Variants in DGKH observed in about 807,000 individuals in gnomAD.
DGKH encodes DAG kinase eta.
A neutral mutation model predicts 159.3 loss-of-function variants in DGKH; 90 were observed. That is an observed-to-expected ratio of 0.57 (90% CI 0.48 to 0.67). The LOEUF is 0.67. Among genes scored for constraint, DGKH ranks in the 30% least tolerant of loss-of-function variants. The pLI is 0.00. For missense variants in DGKH, 1,181 were observed against 1,506.1 expected (o/e 0.78, Z 3.57); for synonymous variants, 536 against 553.8 (o/e 0.97, Z 0.45).
At chr13:42,141,518 C>T (rs1955558929) in intron 3 of DGKH, among the ~76,000 whole-genome samples, 1 of 152,188 alleles carries the variant, frequency 6.6e-6, no homozygotes. Flanking sequence ...GTCCCACCAA[C>T]AGTGTAAAAG....
At chr13:42,249,686 A>C (rs1958606670) in intron 29 of DGKH, among the ~76,000 whole-genome samples, 1 of 152,178 alleles carries the variant, frequency 6.6e-6, no homozygotes, top group Admixed American at 6.5e-5. Flanking sequence ...ATGTTGGCAC[A>C]TCCCTACACT....
intron 21 of DGKH, 46 bp from the exon 22 acceptor site, chr13:42,208,913 C>T (rs745993171): frequency 2.2e-6 from 3 of 1,371,194 alleles, no homozygotes; most frequent in East Asian, 2.4e-5. Context: ...TTAACGTGCT[C>T]TTCACCTAAA....
At chr13:42,159,434 T>C (rs1956124457) in intron 6 of DGKH, 62 bp downstream of exon 6, 6 of 1,174,736 alleles carry the variant, frequency 5.1e-6, no homozygotes, top group South Asian at 2.5e-5. Context: ...TCTGCTCTTG[T>C]GGAAGCTGAG....
chr13:42,140,394 G>A (rs4942093), intron 3 of DGKH: 142,912 of 152,362 alleles, frequency 0.94, 67,382 homozygotes, highest in Non-Finnish European at 0.98. Flanking sequence ...GTTCCTATAC[G>A]AGGCCTTTTA....
intron 1 of DGKH, 56 bp downstream of exon 1, chr13:42,049,021 C>G: frequency 8.7e-7 from 1 of 1,155,500 alleles, no homozygotes; most frequent in Non-Finnish European, 1.1e-6. Context: ...GTGGAGAGGG[C>G]GCGGGGGCGC....
intron 3 of DGKH, among the ~76,000 whole-genome samples, chr13:42,130,416 T>TG (rs1158443095): frequency 6.6e-6 from 1 of 152,244 alleles, no homozygotes; most frequent in Non-Finnish European, 1.5e-5. Flanking sequence ...TCCCACCATG[T>TG]GTTAAGCACA....
intron 11 of DGKH, among the ~76,000 whole-genome samples, chr13:42,169,569 A>G (rs1204273952): frequency 6.6e-6 from 1 of 152,228 alleles, no homozygotes; most frequent in Non-Finnish European, 1.5e-5. Flanking sequence ...TCAAAATATC[A>G]TGATCAACTT....
chr13:42,069,272 T>C, intron 1 of DGKH: 3 of 1,090,118 alleles, frequency 2.8e-6, no homozygotes, highest in South Asian at 3.1e-5. Context: ...AAAACTGATT[T>C]ATGAGAAAAC....
chr13:42,174,692 C>T (rs960225221), intron 12 of DGKH, among the ~76,000 whole-genome samples: 9 of 152,130 alleles, frequency 5.9e-5, no homozygotes, highest in African/African-American at 9.7e-5. Context: ...GCTTGCTTTG[C>T]GTACTCTTTT....
intron 1 of DGKH, among the ~76,000 whole-genome samples, chr13:42,095,580 T>A (rs1295814468): frequency 6.6e-6 from 1 of 152,178 alleles, no homozygotes; most frequent in African/African-American, 2.4e-5. Flanking sequence ...GATTAGTAAT[T>A]TTTTGTTCCT....
rs116673909 is a variant in DGKH at position 42,106,427 on chromosome 13, C to T, written c.193-21036C>T. 2.6e-3 allele frequency among the ~76,000 whole-genome samples: 402 copies of T among 152,280 alleles called. 3 individuals carry two copies. The highest frequency in any genetic ancestry group is 9.1e-3 in the African/African-American group (379 of 41,556). On this transcript the variant is annotated intron_variant, in intron 1 of 29. Transcript: ENST00000337343. ...GGCTCTGCATACTCTCAGCAGAGGA[C>T]GACTGCACCGTGTGCAGAGCAGCAT...
At chr13:42,164,614 C>A (rs956085557) in intron 7 of DGKH, among the ~76,000 whole-genome samples, 1 of 152,178 alleles carries the variant, frequency 6.6e-6, no homozygotes, top group Non-Finnish European at 1.5e-5. Context: ...CAGACAAGTA[C>A]ACAAACTAAA....
rs1288222682 is a variant in DGKH at position 42,048,857 on chromosome 13, C to A, written c.84C>A (p.Ala28=). The A allele has an allele frequency of 7.3e-7, 1 of 1,371,906 alleles. No homozygotes were observed. The allele number at this position is 1,371,906 out of a possible 1,614,324, so 85.0% of individuals were successfully genotyped here. A position where few individuals can be genotyped will look rare whatever the true frequency, so the allele number is the denominator to read the frequency against. ...GAGCCGGCGCCGCGGTCACCTCCGC[C>A]GCTGCCTCGGCGGGGCCGGGAGAGG... ...AAGAGAAVTS[A]AASAGPGEDS... Residue 28 remains alanine (A), a synonymous_variant, in exon 1 of 30, where the codon GCC becomes GCA. Coordinates refer to ENST00000337343, the MANE Select transcript of DGKH (RefSeq NM_178009.5). The surrounding 1 kb of genome is among the most constrained non-coding windows in gnomAD (Gnocchi z 6.7).
chr13:42,100,407 G>T (rs936197178), intron 1 of DGKH, among the ~76,000 whole-genome samples: 2 of 151,986 alleles, frequency 1.3e-5, no homozygotes, highest in Non-Finnish European at 2.9e-5. Context: ...AAAATAAAGT[G>T]CACAATAAAT....
chr13:42,243,928 A>ACCT (rs1958555348), downstream of DGKH, among the ~76,000 whole-genome samples: 1 of 152,186 alleles, frequency 6.6e-6, no homozygotes, highest in Non-Finnish European at 1.5e-5. Flanking sequence ...TTATGAAAGA[A>ACCT]GTTTGAGTGA....
At chr13:42,163,616 T>C (rs1274150422) in intron 7 of DGKH, among the ~76,000 whole-genome samples, 1 of 152,248 alleles carries the variant, frequency 6.6e-6, no homozygotes, top group African/African-American at 2.4e-5. Flanking sequence ...TGGCCAGTGA[T>C]AGTGAGCATT....
chr13:42,112,107 G>A (rs1935191869), intron 1 of DGKH, among the ~76,000 whole-genome samples: 1 of 152,142 alleles, frequency 6.6e-6, no homozygotes, highest in African/African-American at 2.4e-5. Context: ...ACATGTGTGT[G>A]TTTTATATGT....
chr13:42,193,328 A>G (rs1957128209), intron 16 of DGKH, among the ~76,000 whole-genome samples: 2 of 152,234 alleles, frequency 1.3e-5, no homozygotes, highest in African/African-American at 2.4e-5. Context: ...GAAACTAAAA[A>G]ATACAAATAT....
chr13:42,069,700 T>C (rs1882828086), intron 1 of DGKH: 1 of 1,148,818 alleles, frequency 8.7e-7, no homozygotes, highest in African/African-American at 1.6e-5. Flanking sequence ...ATAGTAACAG[T>C]TAACTTCATT....
Sources: gnomAD v4.1 joint callset for allele counts (sites outside exome capture counted in the v4.1 genomes callset) on GRCh38, gnomAD v4.1.1 for gene constraint, Gnocchi (gnomAD v3.1) non-coding constraint, MANE v1.5 for transcripts, NCBI Gene and HGNC (gene_info 2026-07-23, HGNC 2026-07-21) for gene names.